The following LIN52 variants were observed in gnomAD, a reference collection of about 807,000 sequenced individuals.
LIN52 encodes the protein protein lin-52 homolog.
A neutral mutation model predicts 18.5 loss-of-function variants in LIN52; 4 were observed. The ratio of observed to expected loss-of-function variants is 0.22; its 90% CI spans 0.11 to 0.49. The LOEUF is 0.49. Among genes scored for constraint, LIN52 ranks in the 20% least tolerant of loss-of-function variants. The pLI, the probability that LIN52 is intolerant of heterozygous loss-of-function variation, is 0.97. For missense variants in LIN52, 102 were observed against 139.5 expected, an observed-to-expected ratio of 0.73 and a Z score of 1.35; for synonymous variants, 34 against 45.5, an observed-to-expected ratio of 0.75 and a Z score of 1.02.
rs775385431 is a variant in LIN52 at position 74,101,189 on chromosome 14, G to C, written c.234G>C (p.Glu78Asp). The C allele has an allele frequency of 5.0e-6, 8 of 1,611,362 alleles. No individual in the cohort carries two copies. The highest frequency in any genetic ancestry group is 5.1e-6 in the Non-Finnish European group (6 of 1,179,144). The change falls in exon 5 of 6, where the codon GAG (glutamate) becomes GAC (aspartate). Residue 78 changes from glutamate (E) to aspartate (D), a missense_variant. Coordinates refer to ENST00000555028, the MANE Select transcript of LIN52 (RefSeq NM_001024674.3). ...GTCTCACCACGGCTAATTTGATGGA[G>C]AAGGTTCGAGGCCTACAGAACCTAG... is the stretch of plus-strand genomic sequence containing the variant. ...LGSLTTANLM[E>D]KVRGLQNLAY...
chr14:74,190,230 T>A (rs767860094), intron 5 of LIN52, among the ~76,000 whole-genome samples: 2 of 152,170 alleles, frequency 1.3e-5, no homozygotes, highest in Non-Finnish European at 2.9e-5. Context: ...AGATACCCAA[T>A]AGAAAGATAA....
chr14:74,182,779 C>T (rs1415855073), intron 5 of LIN52, among the ~76,000 whole-genome samples: 1 of 152,176 alleles, frequency 6.6e-6, no homozygotes, highest in East Asian at 1.9e-4. Flanking sequence ...TAACCAAGGA[C>T]TCTTTCTCTC....
intron 5 of LIN52, among the ~76,000 whole-genome samples, chr14:74,189,664 A>G (rs2061355295): frequency 6.6e-6 from 1 of 152,146 alleles, no homozygotes; most frequent in Non-Finnish European, 1.5e-5. Context: ...TGAATGCAAC[A>G]TTTTTCAAAT....
chr14:74,197,900 G>A (rs1374459853), intron 5 of LIN52, among the ~76,000 whole-genome samples: 2 of 152,214 alleles, frequency 1.3e-5, no homozygotes, highest in African/African-American at 4.8e-5. Context: ...AAGGAGGCCA[G>A]GGTGAAGGTC....
At chr14:74,118,888 TTTTG>T (rs1263533507) in intron 5 of LIN52, among the ~76,000 whole-genome samples, 5 of 152,190 alleles carry the variant, frequency 3.3e-5, no homozygotes, top group Admixed American at 6.5e-5. Context: ...CATAGAATAA[TTTTG>T]TTTATCTTTG....
rs552104736 is a variant in LIN52 at position 74,160,414 on chromosome 14, G to A, written c.284-38508G>A. Among the ~76,000 whole-genome samples the A allele has an allele frequency of 2.6e-5, 4 of 152,172 alleles. No homozygotes were observed. In the East Asian group the frequency reaches 7.7e-4, roughly 29 times the overall value. On this transcript the variant is annotated intron_variant, in intron 5 of 5. Transcript: ENST00000555028. ...AGTTTATAATCTCTATAGACTAAAA[G>A]GAATTAGGTCCCCAAGGTTGCTGCC... is the stretch of plus-strand genomic sequence containing the variant.
intron 5 of LIN52, among the ~76,000 whole-genome samples, chr14:74,196,463 C>T (rs1399664750): frequency 6.6e-6 from 1 of 152,126 alleles, no homozygotes; most frequent in Non-Finnish European, 1.5e-5. Flanking sequence ...TCTATTCTCT[C>T]CAGAAGACTT....
At chr14:74,138,542 C>A (rs1410214299) in intron 5 of LIN52, among the ~76,000 whole-genome samples, 1 of 151,982 alleles carries the variant, frequency 6.6e-6, no homozygotes, top group Non-Finnish European at 1.5e-5. Context: ...CACTTGAGGC[C>A]GGGAGTTCAA....
At chr14:74,176,237 A>G (rs1017176422) in intron 5 of LIN52, among the ~76,000 whole-genome samples, 1 of 152,058 alleles carries the variant, frequency 6.6e-6, no homozygotes, top group African/African-American at 2.4e-5. Context: ...ATCTCGGCTC[A>G]CTGAAACTTC....
In LIN52 at chr14:74,130,134, C is replaced by T. The variant is rs753208530; in HGVS notation, c.283+28896C>T. 2.5e-4 allele frequency among the ~76,000 whole-genome samples: 38 copies of T among 151,928 alleles called. 1 individual carries two copies. The highest frequency in any genetic ancestry group is 3.4e-3 in the Middle Eastern group (1 of 294). On this transcript the variant is annotated intron_variant, in intron 5 of 5. Transcript: ENST00000555028. ...GTTATCTCCCACCAGGTCTCTCCTA[C>T]AACACGTGGGAATTATGGGAGCTAC...
At chr14:74,099,841 A>G (rs2060841765) in intron 4 of LIN52, among the ~76,000 whole-genome samples, 1 of 152,210 alleles carries the variant, frequency 6.6e-6, no homozygotes, top group Non-Finnish European at 1.5e-5. Flanking sequence ...GGGTGGTACC[A>G]ACTGATCCAT....
intron 2 of LIN52, among the ~76,000 whole-genome samples, chr14:74,092,074 G>T (rs908958971): frequency 6.6e-6 from 1 of 151,654 alleles, no homozygotes; most frequent in Non-Finnish European, 1.5e-5. Flanking sequence ...GGGTTCAAGC[G>T]ATTGTCCTGC....
intron 5 of LIN52, among the ~76,000 whole-genome samples, chr14:74,170,998 T>C (rs1022371801): frequency 2.7e-5 from 4 of 146,232 alleles, no homozygotes; most frequent in Admixed American, 6.9e-5. Flanking sequence ...CTGGGCAACA[T>C]AGTGAGACTC....
At chr14:74,193,158 A>T (rs979837701) in intron 5 of LIN52, among the ~76,000 whole-genome samples, 1 of 151,724 alleles carries the variant, frequency 6.6e-6, no homozygotes, top group Non-Finnish European at 1.5e-5. Context: ...TTTATACTTC[A>T]TTAAGTTATT....
intron 5 of LIN52, among the ~76,000 whole-genome samples, chr14:74,178,521 G>A (rs1299672173): frequency 6.6e-6 from 1 of 151,266 alleles, no homozygotes; most frequent in African/African-American, 2.4e-5. Context: ...GCAGTGGTGC[G>A]ATTTTGGCTC....
chr14:74,090,428 C>T (rs6574161), intron 1 of LIN52, among the ~76,000 whole-genome samples: 34,171 of 151,872 alleles, frequency 0.22, 4,172 homozygotes, highest in South Asian at 0.46. Flanking sequence ...CTCTGCCTCC[C>T]GGGTTTAAGC....
intron 5 of LIN52, among the ~76,000 whole-genome samples, chr14:74,106,327 T>C (rs2060896996): frequency 6.6e-6 from 1 of 152,168 alleles, no homozygotes; most frequent in South Asian, 2.1e-4. Flanking sequence ...TGGAGTGCCA[T>C]GGCCTTATCA....
At chr14:74,111,549 G>T (rs941294696) in intron 5 of LIN52, among the ~76,000 whole-genome samples, 1 of 150,740 alleles carries the variant, frequency 6.6e-6, no homozygotes, top group Non-Finnish European at 1.5e-5. Flanking sequence ...CAATCCTCCC[G>T]CCTCAGCCTC....
At position 74,181,131 on chromosome 14, in the gene LIN52, AAAAAG is replaced by A. The variant is rs1254513568; in HGVS notation, c.284-17780_284-17776del. On this transcript the variant is annotated intron_variant, in intron 5 of 5. Coordinates refer to ENST00000555028, the MANE Select transcript of LIN52 (RefSeq NM_001024674.3). ...TCAAAAAAAAAAAAAAAAAAAAAGA[AAAAAG>A]AAAAGAAAAGGAAAGAATGGAAGGC... Among the ~76,000 whole-genome samples the A allele has an allele frequency of 5.3e-5, 8 of 150,906 alleles. No homozygotes were observed. The South Asian group carries it at 1.5e-3, about 28-fold the overall frequency.
Sources: gnomAD v4.1 joint callset for allele counts (sites outside exome capture counted in the v4.1 genomes callset) on GRCh38, gnomAD v4.1.1 for gene constraint, MANE v1.5 for transcripts, NCBI Gene and HGNC (gene_info 2026-07-23, HGNC 2026-07-21) for gene names.